The following RAB11FIP4 variants were observed in gnomAD, a reference collection of about 807,000 sequenced individuals.
RAB11FIP4 encodes RAB11 family interacting protein 4, also known as rab11 family-interacting protein 4.
A neutral mutation model predicts 74.3 loss-of-function variants in RAB11FIP4; 23 were observed. The ratio of observed to expected loss-of-function variants is 0.31; its 90% CI spans 0.22 to 0.44. The LOEUF is 0.44. RAB11FIP4 is among the 20% of genes least tolerant of loss of function. The pLI is 1.00. For synonymous variants in RAB11FIP4, 360 were observed against 359.9 expected (o/e 1.00, Z 0.00); for missense variants, 630 against 863.9 (o/e 0.73, Z 3.39).
intron 1 of RAB11FIP4, among the ~76,000 whole-genome samples, chr17:31,405,472 C>T (rs1427489553): frequency 2.0e-5 from 3 of 151,974 alleles, no homozygotes; most frequent in African/African-American, 7.3e-5. Flanking sequence ...CTGGTTCAAG[C>T]GATTCTCCTG....
In RAB11FIP4 at chr17:31,512,649, G is replaced by C. The variant is rs1391408785; in HGVS notation, c.337-5002G>C. ...CTGGCTCTGGGTCTTGAGGGACAGAGCCCTGGCAAGTCAGACTGTGCCAGA... is the reference window on the plus strand; with the variant it reads ...CTGGCTCTGGGTCTTGAGGGACAGACCCCTGGCAAGTCAGACTGTGCCAGA... On this transcript the variant is annotated intron_variant, in intron 3 of 14. Coordinates refer to ENST00000621161, the MANE Select transcript of RAB11FIP4 (RefSeq NM_032932.6). The surrounding 1 kb of genome is among the most constrained non-coding windows in gnomAD (Gnocchi z 4.1). Among the ~76,000 whole-genome samples, 1 of 152,134 alleles carries C rather than the reference G, an allele frequency of 6.6e-6. No homozygotes were observed. The highest frequency in any genetic ancestry group is 2.4e-5 in the African/African-American group (1 of 41,416).
chr17:31,402,629 T>TA (rs2070999211), intron 1 of RAB11FIP4, among the ~76,000 whole-genome samples: 1 of 151,338 alleles, frequency 6.6e-6, no homozygotes, highest in Admixed American at 6.6e-5. Flanking sequence ...TTTATTTATT[T>TA]ATTTATTTTT....
intron 1 of RAB11FIP4, among the ~76,000 whole-genome samples, chr17:31,394,161 G>T (rs139642039): frequency 6.6e-6 from 1 of 152,236 alleles, no homozygotes; most frequent in East Asian, 1.9e-4. Context: ...CTGGAAATAG[G>T]GACAAGCAAA....
chr17:31,453,352 C>A (rs178866), intron 3 of RAB11FIP4, among the ~76,000 whole-genome samples: 1 of 124,586 alleles, frequency 8.0e-6, no homozygotes, highest in Admixed American at 8.9e-5. Context: ...AGAGACCCTA[C>A]CTCAAAAAAA....
In RAB11FIP4 at chr17:31,493,504, A is replaced by G. The variant is rs114955436; in HGVS notation, c.337-24147A>G. Among the ~76,000 whole-genome samples, 782 of 151,852 alleles carry G rather than the reference A, an allele frequency of 5.1e-3. 5 individuals carry two copies. Among genetic ancestry groups the G allele is most frequent in the African/African-American group, 0.018 (732 of 41,374 alleles). On this transcript the variant is annotated intron_variant, in intron 3 of 14. Coordinates refer to ENST00000621161, the MANE Select transcript of RAB11FIP4 (RefSeq NM_032932.6). ...GGGGTAAGGGAGCTGAGGGGTGTCTACCCTCTGCACCAGACTCAAGTCTCC... is the reference window on the plus strand; with the variant it reads ...GGGGTAAGGGAGCTGAGGGGTGTCTGCCCTCTGCACCAGACTCAAGTCTCC...
chr17:31,500,790 T>A (rs1030028013), intron 3 of RAB11FIP4, among the ~76,000 whole-genome samples: 3 of 152,120 alleles, frequency 2.0e-5, no homozygotes, highest in Non-Finnish European at 4.4e-5. Flanking sequence ...TTTGGGAGGC[T>A]GAGGCGGGCA....
chr17:31,479,184 T>C (rs1881759340), intron 3 of RAB11FIP4, among the ~76,000 whole-genome samples: 1 of 152,210 alleles, frequency 6.6e-6, no homozygotes, highest in Admixed American at 6.5e-5. Flanking sequence ...ATAGCTGTTA[T>C]CAACAATAGG....
At chr17:31,423,801 T>C (rs781075923) in intron 1 of RAB11FIP4, among the ~76,000 whole-genome samples, 2 of 152,156 alleles carry the variant, frequency 1.3e-5, no homozygotes, top group Non-Finnish European at 2.9e-5. Flanking sequence ...TATGGGATCA[T>C]ATTCTCAAGC....
chr17:31,486,337 C>T (rs1021423516), intron 3 of RAB11FIP4, among the ~76,000 whole-genome samples: 1 of 152,112 alleles, frequency 6.6e-6, no homozygotes, highest in Non-Finnish European at 1.5e-5. Context: ...AACTCCTGGG[C>T]TCAAGTGATC....
rs371291449 is a variant in RAB11FIP4 at position 31,456,701 on chromosome 17, C to T, written c.336+22579C>T. Among the ~76,000 whole-genome samples the T allele has an allele frequency of 1.4e-4, 22 of 152,274 alleles. No homozygotes were observed. The East Asian group carries it at 2.1e-3, about 15-fold the overall frequency. On this transcript the variant is annotated intron_variant, in intron 3 of 14. Coordinates refer to ENST00000621161, the MANE Select transcript of RAB11FIP4 (RefSeq NM_032932.6). ...TCTGCCTTTCCATTTAATCATTTACCTCCTTTTTCTCTATGGTTTATTTTT... is the reference window on the plus strand; with the variant it reads ...TCTGCCTTTCCATTTAATCATTTACTTCCTTTTTCTCTATGGTTTATTTTT...
At chr17:31,496,701 A>G (rs745816531) in intron 3 of RAB11FIP4, among the ~76,000 whole-genome samples, 1 of 152,184 alleles carries the variant, frequency 6.6e-6, no homozygotes, top group Non-Finnish European at 1.5e-5. Context: ...GATGGCCTGG[A>G]TGGCACAGAC....
intron 1 of RAB11FIP4, among the ~76,000 whole-genome samples, chr17:31,427,737 C>G (rs1385171382): frequency 6.6e-6 from 1 of 152,212 alleles, no homozygotes; most frequent in African/African-American, 2.4e-5. Flanking sequence ...CCTGGCTCAT[C>G]CCCACATTCA....
At chr17:31,428,304 A>G (rs1323410323) in intron 1 of RAB11FIP4, among the ~76,000 whole-genome samples, 4 of 152,176 alleles carry the variant, frequency 2.6e-5, no homozygotes, top group Non-Finnish European at 5.9e-5. Flanking sequence ...GGTCCCTATA[A>G]ATAGATGAAT....
chr17:31,472,292 C>A (rs773718952), intron 3 of RAB11FIP4, among the ~76,000 whole-genome samples: 5 of 152,194 alleles, frequency 3.3e-5, no homozygotes, highest in African/African-American at 7.2e-5. Flanking sequence ...GTGATGAGTG[C>A]TCCCCCCATA....
At chr17:31,461,669 G>A (rs1476035903) in intron 3 of RAB11FIP4, among the ~76,000 whole-genome samples, 1 of 151,494 alleles carries the variant, frequency 6.6e-6, no homozygotes, top group Non-Finnish European at 1.5e-5. Flanking sequence ...GGATCCACCT[G>A]CCTCGGCCTC....
At chr17:31,444,716 C>G (rs1254839563) in intron 3 of RAB11FIP4, among the ~76,000 whole-genome samples, 1 of 152,166 alleles carries the variant, frequency 6.6e-6, no homozygotes, top group East Asian at 1.9e-4. Context: ...TGGAGAGGCT[C>G]CTTACATCCC....
intron 3 of RAB11FIP4, among the ~76,000 whole-genome samples, chr17:31,505,607 TAA>T (rs1567681438): frequency 4.3e-4 from 20 of 46,696 alleles, no homozygotes; most frequent in East Asian, 1.1e-3. Context: ...TATATAATAA[TAA>T]TTATATATAA....
chr17:31,505,455 T>TATTATATAATAATATATAATA (rs2072303339), intron 3 of RAB11FIP4, among the ~76,000 whole-genome samples: 1 of 84,634 alleles, frequency 1.2e-5, no homozygotes, highest in African/African-American at 4.5e-5. Context: ...ATATAATAAT[T>TATTATATAATAATATATAATA]ATTATAACAT....
chr17:31,469,815 T>A (rs1261316790), intron 3 of RAB11FIP4, among the ~76,000 whole-genome samples: 4 of 152,208 alleles, frequency 2.6e-5, no homozygotes, highest in Non-Finnish European at 5.9e-5. Context: ...TGACATTAAT[T>A]AAAGCAACTA....
Sources: allele counts gnomAD v4.1 joint callset (sites outside exome capture counted in the v4.1 genomes callset), GRCh38; gene constraint gnomAD v4.1.1; non-coding constraint Gnocchi (gnomAD v3.1); transcripts MANE v1.5; gene names NCBI Gene and HGNC (gene_info 2026-07-23, HGNC 2026-07-21).